Variants in CACNA1G observed in about 807,000 individuals in gnomAD.
The protein encoded by CACNA1G is calcium voltage-gated channel subunit alpha1 G, also known as voltage-dependent T-type calcium channel subunit alpha-1G.
In CACNA1G, 67 loss-of-function variants were observed where a neutral mutation model predicts 219.4. That is an observed-to-expected ratio of 0.31 (90% CI 0.25 to 0.37). The LOEUF (loss-of-function observed/expected upper bound fraction) is 0.37. Ranked by LOEUF, CACNA1G falls within the 10% of genes least tolerant of loss-of-function variation. The probability of loss-of-function intolerance (pLI) is 1.00; values close to 1 mark genes in which losing one functional copy is unlikely to be tolerated. For missense variants in CACNA1G, 2,380 were observed against 3,231.4 expected, an observed-to-expected ratio of 0.74 and a Z score of 6.39; for synonymous variants, 1,296 against 1,345.3, an observed-to-expected ratio of 0.96 and a Z score of 0.80.
chr17:50,597,760 G>A (rs964409605), intron 16 of CACNA1G, among the ~76,000 whole-genome samples: 1 of 152,092 alleles, frequency 6.6e-6, no homozygotes, highest in Admixed American at 6.5e-5. Flanking sequence ...CTGAAACTTC[G>A]TATCCTTTGG....
Position 50,609,867 on chromosome 17 carries a change from G to A in CACNA1G, c.4706-15G>A. ...TGGTCCGGCCAGTGACCAATGTCGT[G>A]TTTCGTTCTTTTAGATCTAATGCTG... On this transcript the variant is annotated splice_polypyrimidine_tract_variant and intron_variant, in intron 25 of 37. Transcript: ENST00000359106. 1.2e-6 allele frequency: 2 copies of A among 1,610,466 alleles called. No homozygotes were observed. The highest frequency in any genetic ancestry group is 1.7e-6 in the Non-Finnish European group (2 of 1,179,608).
chr17:50,607,498 A>G (rs2048187768), intron 24 of CACNA1G: 1 of 223,898 alleles, frequency 4.5e-6, no homozygotes, highest in South Asian at 4.3e-5. Flanking sequence ...GTCTCTAAAA[A>G]AAGAAAAAAT....
rs1040696639 is a variant in CACNA1G, at chr17:50,600,188, C to T, written c.3690+329C>T. ...TCTCTCCAAACTGATGCCCCGCATC[C>T]CCCTTTCTCGTCTCAACCTCATCAC... On this transcript the variant is annotated intron_variant, in intron 17 of 37. Transcript: ENST00000359106. The surrounding 1 kb of genome is among the most constrained non-coding windows in gnomAD (Gnocchi z 4.1). Among the ~76,000 whole-genome samples, 1 of 152,184 alleles carries T rather than the reference C, an allele frequency of 6.6e-6. No individual in the cohort carries two copies. Among genetic ancestry groups the T allele is most frequent in the Non-Finnish European group, 1.5e-5 (1 of 68,022 alleles).
At position 50,576,224 on chromosome 17, in the gene CACNA1G, G is replaced by A; in HGVS notation, c.1822G>A (p.Val608Ile). Residue 608 changes from valine to isoleucine, a missense_variant, in exon 8 of 38, where the codon GTA becomes ATA. Val to Ile is a conservative substitution (Grantham distance 29). Coordinates refer to ENST00000359106, the MANE Select transcript of CACNA1G (RefSeq NM_018896.5). ...PPETLKEKAL[V>I]EVAASSGPPT... ...GGAGACGCTGAAGGAGAAGGCACTAGTAGAGGTGGCTGCCAGCTCTGGGCC... is the reference window on the plus strand; with the variant it reads ...GGAGACGCTGAAGGAGAAGGCACTAATAGAGGTGGCTGCCAGCTCTGGGCC... 6.2e-7 allele frequency: 1 copy of A among 1,606,714 alleles called. No homozygotes were observed. Among genetic ancestry groups the A allele is most frequent in the South Asian group, 1.1e-5 (1 of 89,570 alleles).
chr17:50,602,691 G>C (rs535574803), intron 19 of CACNA1G, 129 bp from the exon 20 acceptor site: 2 of 752,100 alleles, frequency 2.7e-6, no homozygotes, highest in African/African-American at 3.4e-5. Flanking sequence ...GATCTACATT[G>C]TTGTGGAGGG....
chr17:50,626,229 G>C lies in CACNA1G; in HGVS notation c.6612G>C (p.Trp2204Cys). Reference protein sequence around the residue: ...PAPCPGPEPNWGKGPPETRSS... With the variant: ...PAPCPGPEPNCGKGPPETRSS... ...CTTGCCCAGGCCCAGAACCCAACTG[G>C]GGCAAGGGCCCTCCAGAGACCAGAA... The change falls in exon 38 of 38, where the codon TGG (tryptophan) becomes TGC (cysteine). Residue 2204 changes from tryptophan (W) to cysteine (C), a missense_variant. Trp to Cys is a radical substitution (Grantham distance 215). This residue lies in a region of CACNA1G where 672 missense variants were observed against 670.5 expected (regional missense o/e 1.00). Transcript: ENST00000359106. This position sits in a 1 kb window ranked among gnomAD's most constrained non-coding sequence, Gnocchi z 4.3. 1.2e-6 allele frequency: 2 copies of C among 1,613,744 alleles called. No individual in the cohort carries two copies. The highest frequency in any genetic ancestry group is 8.5e-7 in the Non-Finnish European group (1 of 1,179,864).
chr17:50,594,396 A>T (rs2045051858), intron 13 of CACNA1G, among the ~76,000 whole-genome samples: 1 of 152,224 alleles, frequency 6.6e-6, no homozygotes, highest in African/African-American at 2.4e-5. Flanking sequence ...AGCTGAGAGC[A>T]TGAGACGTTA....
In CACNA1G at chr17:50,617,408, A is replaced by G. The variant is rs745887078; in HGVS notation, c.5022-30A>G. The G allele has an allele frequency of 4.1e-5, 65 of 1,589,336 alleles. No individual in the cohort carries two copies. The highest frequency in any genetic ancestry group is 5.1e-5 in the Non-Finnish European group (59 of 1,162,968). On this transcript the variant is annotated intron_variant, in intron 28 of 37. Transcript: ENST00000359106. This position sits in a 1 kb window ranked among gnomAD's most constrained non-coding sequence, Gnocchi z 5.8. ...CCTCCTTCAGGAACCCCCTCCCCCA[A>G]CTCAGGGAGCTGTATTCTGGGCTTT...
At position 50,608,024 on chromosome 17, in the gene CACNA1G, G is replaced by A; in HGVS notation, c.4705+5G>A. ...GACTGGAGAAAAAGAGAAGGAGTAA[G>A]GAGAAGCAGATGGCTGGTCGGTAGT... On this transcript the variant is annotated splice_donor_5th_base_variant and intron_variant, in intron 25 of 37. Transcript: ENST00000359106. 7 of 1,600,920 alleles carry A rather than the reference G, an allele frequency of 4.4e-6. No individual in the cohort carries two copies. The highest frequency in any genetic ancestry group is 6.0e-6 in the Non-Finnish European group (7 of 1,173,638).
Position 50,617,754 on chromosome 17 carries a change from G to T in CACNA1G, c.5156-105G>T. 1.4e-6 allele frequency: 2 copies of T among 1,451,482 alleles called. No homozygotes were observed. The highest frequency in any genetic ancestry group is 1.9e-6 in the Non-Finnish European group (2 of 1,056,076). 89.9% of individuals were successfully genotyped at this position (1,451,482 alleles called of 1,614,324 possible). ...ATGGGGATGCAACCTGGCTGGCCCG[G>T]AGATGGCCATCCCAGCAGCCCCAGC... On this transcript the variant is annotated intron_variant, in intron 29 of 37. Coordinates refer to ENST00000359106, the MANE Select transcript of CACNA1G (RefSeq NM_018896.5). This position sits in a 1 kb window ranked among gnomAD's most constrained non-coding sequence, Gnocchi z 5.8.
chr17:50,569,697 TC>T lies in CACNA1G; in HGVS notation c.489-6del. The stretch of plus-strand genomic sequence containing the variant: ...CTCAAAGGGCCTCCCTTTGGGCCCC[TC>T]CCTGCAGGATGCTGGAGTACTCGCT... On this transcript the variant is annotated splice_polypyrimidine_tract_variant and splice_region_variant and intron_variant, in intron 3 of 37. Transcript: ENST00000359106. 2 of 1,546,604 alleles carry T rather than the reference TC, an allele frequency of 1.3e-6. No homozygotes were observed. Among genetic ancestry groups the T allele is most frequent in the Non-Finnish European group, 1.7e-6 (2 of 1,144,180 alleles).
intron 12 of CACNA1G, 34 bp from the exon 13 acceptor site, chr17:50,591,903 A>G: frequency 1.2e-6 from 2 of 1,613,888 alleles, no homozygotes; most frequent in Admixed American, 1.7e-5. Context: ...AGGTGCCCCT[A>G]GTATAGGCCC....
chr17:50,627,087 G>A lies in CACNA1G; in HGVS notation c.*336G>A, dbSNP rs902562851. The A allele has an allele frequency of 4.9e-5, 24 of 487,932 alleles. No homozygotes were observed. Among genetic ancestry groups the A allele is most frequent in the East Asian group, 3.6e-4 (6 of 16,764 alleles). The allele number at this position is 487,932 out of a possible 1,614,324, so 30.2% of individuals were successfully genotyped here. A position where few individuals can be genotyped will look rare whatever the true frequency, so the allele number is the denominator to read the frequency against. On this transcript the variant is annotated 3_prime_UTR_variant, in exon 38 of 38. Coordinates refer to ENST00000359106, the MANE Select transcript of CACNA1G (RefSeq NM_018896.5). ...TGAATCTAGTATATGCGGGATGTACGACATTTTGTGACTGAAGAGACTTGT... is the reference window on the plus strand; with the variant it reads ...TGAATCTAGTATATGCGGGATGTACAACATTTTGTGACTGAAGAGACTTGT...
At position 50,571,762 on chromosome 17, in the gene CACNA1G, C is replaced by T. The variant is rs532878326; in HGVS notation, c.587-116C>T. 3.9e-5 allele frequency: 39 copies of T among 1,005,622 alleles called. No individual in the cohort carries two copies. Among genetic ancestry groups the T allele is most frequent in the Middle Eastern group, 5.2e-4 (2 of 3,810 alleles). 62.3% of individuals were successfully genotyped at this position (1,005,622 alleles called of 1,614,324 possible). ...TGTTGGTCTCCCCTCCAGCTTGAGC[C>T]GGGCCGTCTCAGCCTCAGAGTCCCT... On this transcript the variant is annotated intron_variant, in intron 4 of 37. Transcript: ENST00000359106. The surrounding 1 kb of genome is among the most constrained non-coding windows in gnomAD (Gnocchi z 4.3).
chr17:50,586,253 G>A (rs138790434), intron 9 of CACNA1G, among the ~76,000 whole-genome samples: 2 of 152,292 alleles, frequency 1.3e-5, no homozygotes, highest in African/African-American at 2.4e-5. Context: ...CAGGGCCTCA[G>A]TGGCAGCGTG....
intron 9 of CACNA1G, 24 bp from the exon 10 acceptor site, chr17:50,590,447 C>T (rs2044050143): frequency 6.2e-7 from 1 of 1,613,006 alleles, no homozygotes; most frequent in Non-Finnish European, 8.5e-7. Context: ...AGCCAGCTGC[C>T]TCACATCCCA....
At position 50,581,433 on chromosome 17, in the gene CACNA1G, T is replaced by C. The variant is rs191061336; in HGVS notation, c.2301+2869T>C. Among the ~76,000 whole-genome samples, 626 of 152,166 alleles carry C rather than the reference T, an allele frequency of 4.1e-3. 4 individuals carry two copies. The highest frequency in any genetic ancestry group is 0.014 in the African/African-American group (598 of 41,482). On this transcript the variant is annotated intron_variant, in intron 9 of 37. Coordinates refer to ENST00000359106, the MANE Select transcript of CACNA1G (RefSeq NM_018896.5). Reference sequence around the variant, plus strand: ...ACTGGAAAGGGTGTTGCTGGTGCTTTGCCAGAGGAGGAGTCCCTGCCCTCC... The same window carrying C: ...ACTGGAAAGGGTGTTGCTGGTGCTTCGCCAGAGGAGGAGTCCCTGCCCTCC...
chr17:50,626,173 A>G lies in CACNA1G; in HGVS notation c.6556A>G (p.Lys2186Glu). The change falls in exon 38 of 38, where the codon AAG (lysine) becomes GAG (glutamate). Residue 2186 changes from lysine to glutamate, a missense_variant. Lys to Glu is a moderately conservative substitution (Grantham distance 56). Around this residue, in one of 17 missense-constraint regions of CACNA1G, gnomAD observed 672 missense variants for 670.5 expected, o/e 1.00. Transcript: ENST00000359106. This position sits in a 1 kb window ranked among gnomAD's most constrained non-coding sequence, Gnocchi z 4.3. ...QAQQHSRSHSKISKHMTPPAP... is the reference protein window; with the variant it reads ...QAQQHSRSHSEISKHMTPPAP... ...ACAGCAGCACTCCCGCAGCCACAGC[A>G]AGATCTCCAAGCACATGACCCCGCC... is the stretch of plus-strand genomic sequence containing the variant. 1 of 1,613,858 alleles carries G rather than the reference A, an allele frequency of 6.2e-7. No homozygotes were observed. The highest frequency in any genetic ancestry group is 8.5e-7 in the Non-Finnish European group (1 of 1,179,842).
In CACNA1G at chr17:50,566,390, C is replaced by A. The variant is rs552659331; in HGVS notation, c.243-2480C>A. Among the ~76,000 whole-genome samples, 292 of 151,882 alleles carry A rather than the reference C, an allele frequency of 1.9e-3. 1 individual carries two copies. The highest frequency in any genetic ancestry group is 1.6e-3 in the Non-Finnish European group (110 of 67,932). Reference sequence around the variant, plus strand: ...TCTCTTCCCTGTCCGTTTATGCTTACGTGTCGTGGAAGGAGAGCTGTACAG... The same window carrying A: ...TCTCTTCCCTGTCCGTTTATGCTTAAGTGTCGTGGAAGGAGAGCTGTACAG... On this transcript the variant is annotated intron_variant, in intron 1 of 37. Coordinates refer to ENST00000359106, the MANE Select transcript of CACNA1G (RefSeq NM_018896.5).
Sources: gnomAD v4.1 joint callset for allele counts (sites outside exome capture counted in the v4.1 genomes callset) on GRCh38, gnomAD v4.1.1 for gene constraint, gnomAD v4.1.1 regional missense constraint, Gnocchi (gnomAD v3.1) non-coding constraint, MANE v1.5 for transcripts, NCBI Gene and HGNC (gene_info 2026-07-23, HGNC 2026-07-21) for gene names.